RNFT2: variants seen among roughly 807,000 people sequenced by gnomAD.
RNFT2 encodes the protein ring finger protein, transmembrane 2.
A neutral mutation model predicts 53.0 loss-of-function variants in RNFT2; 36 were observed. The observed-to-expected ratio is 0.68, with a 90% CI of 0.52 to 0.90. The LOEUF (loss-of-function observed/expected upper bound fraction) is 0.90. Ranked by LOEUF, RNFT2 falls within the 40% of genes least tolerant of loss-of-function variation. The pLI, the probability that RNFT2 is intolerant of heterozygous loss-of-function variation, is 0.00. For synonymous variants in RNFT2, 260 were observed against 253.2 expected (o/e 1.03, Z -0.26); for missense variants, 514 against 585.6 (o/e 0.88, Z 1.26).
At chr12:116,819,814 CAT>C (rs545832171) in intron 7 of RNFT2, among the ~76,000 whole-genome samples, 104 of 152,296 alleles carry the variant, frequency 6.8e-4, no homozygotes, top group African/African-American at 2.4e-3. Context: ...TTTTTACAAA[CAT>C]ATGTAATCAC....
chr12:116,823,765 T>C (rs1876182846), intron 7 of RNFT2, among the ~76,000 whole-genome samples: 1 of 152,208 alleles, frequency 6.6e-6, no homozygotes, highest in African/African-American at 2.4e-5. Context: ...TTTTCATATT[T>C]CCAGGCTGCT....
chr12:116,749,458 C>A (rs1872069806), intron 3 of RNFT2, among the ~76,000 whole-genome samples: 1 of 152,064 alleles, frequency 6.6e-6, no homozygotes, highest in South Asian at 2.1e-4. Context: ...AGCTCTATTT[C>A]TTGTAAAGAT....
At chr12:116,822,601 ACCACTACTACC>A (rs1364050646) in intron 7 of RNFT2, among the ~76,000 whole-genome samples, 2 of 152,178 alleles carry the variant, frequency 1.3e-5, no homozygotes, top group Non-Finnish European at 2.9e-5. Flanking sequence ...CATCATCACC[ACCACTACTACC>A]ACCTGCAGTG....
In RNFT2 at chr12:116,853,044, C is replaced by A; in HGVS notation, c.*3596C>A. The A allele has an allele frequency of 2.3e-6, 1 of 430,112 alleles. No homozygotes were observed. 26.6% of individuals were successfully genotyped at this position (430,112 alleles called of 1,614,324 possible). On this transcript the variant is annotated 3_prime_UTR_variant, in exon 11 of 11. Transcript: ENST00000257575. ...AGTTTAGGATTTTATTAGTGCATGC[C>A]CTACCCTCTGGGGGAACGTCCCATC...
intron 3 of RNFT2, among the ~76,000 whole-genome samples, chr12:116,746,587 C>G (rs185092682): frequency 1.3e-3 from 205 of 152,024 alleles, no homozygotes; most frequent in African/African-American, 4.8e-3. Context: ...GGATGGGGTA[C>G]GGGTTAGGGG....
At chr12:116,771,074 G>T (rs1873153994) in intron 6 of RNFT2, among the ~76,000 whole-genome samples, 1 of 152,084 alleles carries the variant, frequency 6.6e-6, no homozygotes, top group African/African-American at 2.4e-5. Flanking sequence ...AGACCATATA[G>T]CTTACAAAGC....
intron 7 of RNFT2, chr12:116,801,441 A>G (rs1275227574): frequency 6.6e-6 from 1 of 152,206 alleles, no homozygotes; most frequent in African/African-American, 2.4e-5. Flanking sequence ...AGCACATACT[A>G]TACCCTAAAA....
intron 7 of RNFT2, among the ~76,000 whole-genome samples, chr12:116,814,362 G>A (rs1383230547): frequency 2.6e-5 from 4 of 152,150 alleles, no homozygotes; most frequent in Non-Finnish European, 5.9e-5. Context: ...ATCAAACAGG[G>A]AGTGTCATTG....
chr12:116,816,027 G>A (rs1244342082), intron 7 of RNFT2, among the ~76,000 whole-genome samples: 2 of 152,208 alleles, frequency 1.3e-5, no homozygotes, highest in Non-Finnish European at 2.9e-5. Context: ...GGCTTGGGCA[G>A]TTTAGCCCAG....
At chr12:116,832,630 A>G (rs915847737) in intron 7 of RNFT2, among the ~76,000 whole-genome samples, 3 of 152,166 alleles carry the variant, frequency 2.0e-5, no homozygotes, top group Admixed American at 6.6e-5. Flanking sequence ...ATTAGACACT[A>G]CAGAGTGGGT....
chr12:116,836,360 G>A (rs1274793557), intron 10 of RNFT2, 78 bp downstream of exon 10: 1 of 1,242,348 alleles, frequency 8.0e-7, no homozygotes, highest in Non-Finnish European at 1.1e-6. Flanking sequence ...CAGTCCTCGG[G>A]TCTCTGGCAT....
Position 116,849,362 on chromosome 12 carries a change from A to G in RNFT2, c.1249A>G (p.Thr417Ala). The change falls in exon 11 of 11, where the codon ACC (threonine) becomes GCC (alanine). Residue 417 changes from threonine (T) to alanine (A), a missense_variant. Coordinates refer to ENST00000257575, the MANE Select transcript of RNFT2 (RefSeq NM_001382266.1). ...CLCLWLDRERTCPLCRSVAVD... is the reference protein window; with the variant it reads ...CLCLWLDRERACPLCRSVAVD... ...CTGCCTGTGGCTGGACCGTGAGCGC[A>G]CCTGCCCGCTCTGCCGCTCGGTCGC... The G allele has an allele frequency of 6.5e-7, 1 of 1,548,318 alleles. No individual in the cohort carries two copies. The highest frequency in any genetic ancestry group is 1.2e-5 in the South Asian group (1 of 84,276).
At position 116,849,766 on chromosome 12, in the gene RNFT2, T is replaced by C. The variant is rs1232961487; in HGVS notation, c.*318T>C. The C allele has an allele frequency of 3.5e-6, 4 of 1,147,850 alleles. No homozygotes were observed. The highest frequency in any genetic ancestry group is 4.3e-6 in the Non-Finnish European group (4 of 933,314). The allele number at this position is 1,147,850 out of a possible 1,614,324, so 71.1% of individuals were successfully genotyped here. On this transcript the variant is annotated 3_prime_UTR_variant, in exon 11 of 11. Coordinates refer to ENST00000257575, the MANE Select transcript of RNFT2 (RefSeq NM_001382266.1). ...AATACATGAAGTTCCCACTTGTTGG[T>C]TATTTTCTCTTTCTTTTTTCTTTTC...
chr12:116,793,187 C>G (rs1874335073), intron 7 of RNFT2, among the ~76,000 whole-genome samples: 1 of 145,404 alleles, frequency 6.9e-6, no homozygotes, highest in African/African-American at 2.5e-5. Context: ...TGAGCTGCCA[C>G]TTGTCATTAC....
At chr12:116,794,865 G>A (rs2137140800) in intron 7 of RNFT2, among the ~76,000 whole-genome samples, 1 of 152,006 alleles carries the variant, frequency 6.6e-6, no homozygotes, top group East Asian at 1.9e-4. Flanking sequence ...TGTTATTCAG[G>A]ACCTGTTTGC....
intron 10 of RNFT2, among the ~76,000 whole-genome samples, chr12:116,841,569 G>A (rs1877250345): frequency 6.7e-6 from 1 of 150,174 alleles, no homozygotes; most frequent in East Asian, 2.0e-4. Flanking sequence ...CCAACATGGT[G>A]AAGCCCGGTC....
At chr12:116,812,403 G>C (rs1294565352) in intron 7 of RNFT2, among the ~76,000 whole-genome samples, 6 of 152,144 alleles carry the variant, frequency 3.9e-5, no homozygotes, top group African/African-American at 1.4e-4. Context: ...TCCCTCATGG[G>C]CCTGACCAGA....
At chr12:116,779,711 C>T (rs147837374) in intron 7 of RNFT2, among the ~76,000 whole-genome samples, 1 of 152,310 alleles carries the variant, frequency 6.6e-6, no homozygotes, top group Non-Finnish European at 1.5e-5. Context: ...TAGGTTTTGA[C>T]TCTTCGTGGC....
intron 4 of RNFT2, among the ~76,000 whole-genome samples, chr12:116,753,242 C>T (rs764839794): frequency 6.4e-4 from 94 of 147,284 alleles, no homozygotes; most frequent in Non-Finnish European, 1.0e-3. Flanking sequence ...CCTCCCCATC[C>T]TGGGTTCAAG....
Sources: gnomAD v4.1 joint callset for allele counts (sites outside exome capture counted in the v4.1 genomes callset) on GRCh38, gnomAD v4.1.1 for gene constraint, MANE v1.5 for transcripts, NCBI Gene and HGNC (gene_info 2026-07-23, HGNC 2026-07-21) for gene names.